BMERB1: variants seen among roughly 807,000 people sequenced by gnomAD.
BMERB1 encodes the protein bMERB domain containing 1, also known as bMERB domain-containing protein 1.
A neutral mutation model predicts 23.6 loss-of-function variants in BMERB1; 12 were observed. The ratio of observed to expected loss-of-function variants is 0.51; its 90% CI spans 0.33 to 0.82. BMERB1 has a LOEUF of 0.82. Ranked by LOEUF, BMERB1 falls within the 40% of genes least tolerant of loss-of-function variation. BMERB1 has a pLI of 0.03. For missense variants in BMERB1, 247 were observed against 255.4 expected (o/e 0.97, Z 0.22); for synonymous variants, 122 against 96.6 (o/e 1.26, Z -1.54).
At chr16:15,581,022 G>A (rs543861746) in intron 3 of BMERB1, among the ~76,000 whole-genome samples, 195 bp from the exon 4 acceptor site, 9 of 151,528 alleles carry the variant, frequency 5.9e-5, no homozygotes, top group Middle Eastern at 3.4e-3. Flanking sequence ...TCCCGAGGTG[G>A]TGGCTGACAG....
At chr16:15,505,862 T>C (rs1410529167) in intron 1 of BMERB1, among the ~76,000 whole-genome samples, 1 of 140,658 alleles carries the variant, frequency 7.1e-6, no homozygotes, top group African/African-American at 2.7e-5. Context: ...CACTCCAGCC[T>C]GGGTGACAGA....
chr16:15,513,279 T>C (rs1206321320), intron 1 of BMERB1, among the ~76,000 whole-genome samples: 2 of 152,100 alleles, frequency 1.3e-5, no homozygotes, highest in Non-Finnish European at 2.9e-5. Flanking sequence ...TCCTCATGAT[T>C]ACAGTGGGGA....
chr16:15,534,286 CAAA>C (rs1168488547), intron 2 of BMERB1, among the ~76,000 whole-genome samples: 3 of 41,972 alleles, frequency 7.1e-5, no homozygotes, highest in Admixed American at 3.9e-4. Context: ...TTTTTAATTG[CAAA>C]AAAAAAAAAA....
Position 15,567,997 on chromosome 16 carries a change from A to G in BMERB1, c.245A>G (p.Gln82Arg). ...SELRFMMDDI[Q>R]LCKDIMDLKQ... Reference sequence around the variant, plus strand: ...TGTTTCCCCAGGATGGATGACATCCAGCTCTGCAAGGACATCATGGACTTG... The same window carrying G: ...TGTTTCCCCAGGATGGATGACATCCGGCTCTGCAAGGACATCATGGACTTG... Residue 82 changes from glutamine (Q) to arginine (R), a missense_variant, in exon 3 of 6, where the codon CAG becomes CGG. By Grantham distance (43) the Gln-to-Arg change is conservative. Coordinates refer to ENST00000300006, the MANE Select transcript of BMERB1 (RefSeq NM_033201.3). 6.2e-7 allele frequency: 1 copy of G among 1,613,918 alleles called. No individual in the cohort carries two copies.
intron 2 of BMERB1, among the ~76,000 whole-genome samples, chr16:15,558,386 T>C (rs1419345971): frequency 6.6e-6 from 1 of 152,026 alleles, no homozygotes; most frequent in African/African-American, 2.4e-5. Context: ...CAAGGAAAAG[T>C]GAGGTCATTG....
chr16:15,474,213 A>G (rs575168803), intron 1 of BMERB1, among the ~76,000 whole-genome samples: 4 of 142,988 alleles, frequency 2.8e-5, no homozygotes, highest in African/African-American at 1.0e-4. Flanking sequence ...CTTGGTATGG[A>G]TTTCTTTAGT....
chr16:15,506,661 C>T (rs2051595475), intron 1 of BMERB1, among the ~76,000 whole-genome samples: 1 of 151,748 alleles, frequency 6.6e-6, no homozygotes. Flanking sequence ...TCCTGTTGAC[C>T]AGATTCTCTT....
At chr16:15,509,323 G>A (rs2051630137) in intron 1 of BMERB1, among the ~76,000 whole-genome samples, 1 of 137,084 alleles carries the variant, frequency 7.3e-6, no homozygotes, top group Admixed American at 6.9e-5. Context: ...TGGTTGTGGA[G>A]TGGAAGGGGG....
chr16:15,475,376 C>T (rs1298665127), intron 1 of BMERB1, among the ~76,000 whole-genome samples: 2 of 152,146 alleles, frequency 1.3e-5, no homozygotes, highest in African/African-American at 4.8e-5. Context: ...TTTGGGGGTC[C>T]CCAAAACTGT....
chr16:15,511,251 T>C (rs576069981), intron 1 of BMERB1, among the ~76,000 whole-genome samples: 29 of 152,208 alleles, frequency 1.9e-4, no homozygotes, highest in Non-Finnish European at 3.8e-4. Context: ...CAGCCTGAGG[T>C]GGCTCCTCTG....
At chr16:15,476,807 G>T (rs559217603) in intron 1 of BMERB1, among the ~76,000 whole-genome samples, 1 of 152,132 alleles carries the variant, frequency 6.6e-6, no homozygotes, top group African/African-American at 2.4e-5. Flanking sequence ...CTGGGTGGGG[G>T]ATACAGGATC....
At chr16:15,573,528 G>C (rs947279586) in intron 3 of BMERB1, among the ~76,000 whole-genome samples, 2 of 152,032 alleles carry the variant, frequency 1.3e-5, no homozygotes, top group Non-Finnish European at 1.5e-5. Context: ...GTCAGTTCCT[G>C]GGTTGGGGCC....
At chr16:15,510,271 C>G (rs2051646976) in intron 1 of BMERB1, among the ~76,000 whole-genome samples, 1 of 152,110 alleles carries the variant, frequency 6.6e-6, no homozygotes, top group South Asian at 2.1e-4. Context: ...GGGTGTCGGA[C>G]TTAGAACAGC....
At chr16:15,527,781 C>G (rs1272750060) in intron 2 of BMERB1, among the ~76,000 whole-genome samples, 4 of 152,034 alleles carry the variant, frequency 2.6e-5, no homozygotes, top group Non-Finnish European at 4.4e-5. Flanking sequence ...AACTCATGAT[C>G]CCCCCATCTA....
At chr16:15,482,642 G>A (rs2051331682) in intron 1 of BMERB1, among the ~76,000 whole-genome samples, 1 of 152,120 alleles carries the variant, frequency 6.6e-6, no homozygotes, top group Non-Finnish European at 1.5e-5. Flanking sequence ...TCTGGAGGAG[G>A]AAATCACTGA....
At chr16:15,515,279 G>A in intron 1 of BMERB1, 26 bp from the exon 2 acceptor site, 1 of 1,612,472 alleles carries the variant, frequency 6.2e-7, no homozygotes, top group Non-Finnish European at 8.5e-7. Context: ...GGGTCCTGAT[G>A]GTTGTATTTC....
chr16:15,482,353 C>T (rs1272991702), intron 1 of BMERB1, among the ~76,000 whole-genome samples: 1 of 152,114 alleles, frequency 6.6e-6, no homozygotes, highest in Admixed American at 6.6e-5. Flanking sequence ...AACAGGAAGC[C>T]ATGAGGTGAG....
chr16:15,513,933 T>C (rs900574155), intron 1 of BMERB1, among the ~76,000 whole-genome samples: 1 of 151,994 alleles, frequency 6.6e-6, no homozygotes, highest in Admixed American at 6.6e-5. Flanking sequence ...ATTACACATA[T>C]TATATATATA....
At chr16:15,575,490 G>A (rs1318603602) in intron 3 of BMERB1, among the ~76,000 whole-genome samples, 1 of 152,130 alleles carries the variant, frequency 6.6e-6, no homozygotes, top group Non-Finnish European at 1.5e-5. Flanking sequence ...CTTGGGGTGG[G>A]GGTCTCCCAC....
Sources: allele counts gnomAD v4.1 joint callset (sites outside exome capture counted in the v4.1 genomes callset), GRCh38; gene constraint gnomAD v4.1.1; transcripts MANE v1.5; gene names NCBI Gene and HGNC (gene_info 2026-07-23, HGNC 2026-07-21).